NR1H4: variants seen among roughly 807,000 people sequenced by gnomAD.
The protein encoded by NR1H4 is bile acid receptor.
In NR1H4, 23 loss-of-function variants were observed where a neutral mutation model predicts 58.5. That is an observed-to-expected ratio of 0.39 (90% CI 0.28 to 0.56). NR1H4 has a LOEUF of 0.56. Ranked by LOEUF, NR1H4 falls within the 20% of genes least tolerant of loss-of-function variation. The pLI is 0.58. For synonymous variants in NR1H4, 214 were observed against 198.0 expected (o/e 1.08, Z -0.68); for missense variants, 487 against 576.9 (o/e 0.84, Z 1.60).
intron 4 of NR1H4, among the ~76,000 whole-genome samples, chr12:100,529,803 T>A (rs1287895389): frequency 6.6e-6 from 1 of 152,216 alleles, no homozygotes; most frequent in Non-Finnish European, 1.5e-5. Flanking sequence ...TTCGGGGCGC[T>A]TGACTTCTAG....
At chr12:100,545,671 C>CAAAAAAAAAA (rs1491301660) in intron 9 of NR1H4, among the ~76,000 whole-genome samples, 14 of 53,318 alleles carry the variant, frequency 2.6e-4, no homozygotes, top group African/African-American at 1.1e-3. Context: ...AAAAAAAAAC[C>CAAAAAAAAAA]AAACGGGGGG....
intron 4 of NR1H4, among the ~76,000 whole-genome samples, chr12:100,520,569 G>T (rs192600073): frequency 1.3e-5 from 2 of 152,226 alleles, no homozygotes; most frequent in Admixed American, 6.5e-5. Context: ...GCCTTCACTG[G>T]CAATCACTAA....
At chr12:100,553,060 G>A (rs1955240287) in intron 9 of NR1H4, among the ~76,000 whole-genome samples, 2 of 151,982 alleles carry the variant, frequency 1.3e-5, no homozygotes, top group Admixed American at 6.6e-5. Flanking sequence ...GTGCAGTGCA[G>A]CGATCTTAGC....
At chr12:100,504,797 C>A (rs888885821) in intron 3 of NR1H4, among the ~76,000 whole-genome samples, 13 of 152,212 alleles carry the variant, frequency 8.5e-5, no homozygotes, top group Non-Finnish European at 1.8e-4. Context: ...AGAGGGCACT[C>A]TTAGGTAGTA....
intron 3 of NR1H4, among the ~76,000 whole-genome samples, chr12:100,506,405 G>A (rs1203463930): frequency 6.6e-6 from 1 of 152,142 alleles, no homozygotes; most frequent in Non-Finnish European, 1.5e-5. Flanking sequence ...TGGCCATGCT[G>A]GTTCTTTGGT....
rs555472731 is a variant in NR1H4 at position 100,536,046 on chromosome 12, T to C, written c.733-466T>C. Among the ~76,000 whole-genome samples, 6 of 152,310 alleles carry C rather than the reference T, an allele frequency of 3.9e-5. No individual in the cohort carries two copies. The South Asian group carries it at 1.2e-3, about 32-fold the overall frequency. ...ACTTTATAAAATCCAATGGATTTGG[T>C]CCATGGGCCACAGTTTGTTGATCCC... On this transcript the variant is annotated intron_variant, in intron 6 of 10. Transcript: ENST00000392986.
At chr12:100,509,909 G>T (rs1041036535) in intron 3 of NR1H4, among the ~76,000 whole-genome samples, 1 of 144,318 alleles carries the variant, frequency 6.9e-6, no homozygotes, top group Non-Finnish European at 1.5e-5. Context: ...ACGTGGGCAC[G>T]TGCGCGCACA....
chr12:100,562,780 T>C (rs1035136952), intron 10 of NR1H4, among the ~76,000 whole-genome samples: 2 of 152,242 alleles, frequency 1.3e-5, no homozygotes, highest in African/African-American at 4.8e-5. Context: ...GCCATGCTCA[T>C]GATTTGTAGA....
intron 3 of NR1H4, chr12:100,505,483 C>T: frequency 3.1e-6 from 2 of 637,056 alleles, no homozygotes; most frequent in African/African-American, 1.8e-5. Context: ...ACCCTTCTAT[C>T]ACCTCAGAAA....
intron 1 of NR1H4, among the ~76,000 whole-genome samples, chr12:100,485,384 A>T (rs1329506242): frequency 6.6e-6 from 1 of 152,200 alleles, no homozygotes; most frequent in Non-Finnish European, 1.5e-5. Context: ...TGATCTCTGC[A>T]GTAGAGTAAC....
rs1955444017 is a variant in NR1H4 at position 100,560,476 on chromosome 12, C to A, written c.1079-1409C>A. On this transcript the variant is annotated intron_variant, in intron 9 of 10. Transcript: ENST00000392986. The stretch of plus-strand genomic sequence containing the variant: ...AGCCCACCAGGAGGAATAAACAACT[C>A]CAGACGTGCTGCCTTAAGAGCTGTA... Among the ~76,000 whole-genome samples, 8 of 152,186 alleles carry A rather than the reference C, an allele frequency of 5.3e-5. No individual in the cohort carries two copies. The South Asian group carries it at 1.7e-3, about 32-fold the overall frequency.
intron 3 of NR1H4, among the ~76,000 whole-genome samples, chr12:100,496,870 T>C (rs1953727018): frequency 6.6e-6 from 1 of 152,200 alleles, no homozygotes; most frequent in African/African-American, 2.4e-5. Flanking sequence ...CAGTGATAAC[T>C]TGCAGCTTCT....
intron 9 of NR1H4, among the ~76,000 whole-genome samples, chr12:100,545,112 G>C (rs1447270716): frequency 6.6e-6 from 1 of 151,900 alleles, no homozygotes; most frequent in Non-Finnish European, 1.5e-5. Flanking sequence ...TTTCTCTCCT[G>C]GATGCTCAGC....
intron 1 of NR1H4, among the ~76,000 whole-genome samples, chr12:100,490,100 A>T (rs1024198523): frequency 5.3e-5 from 8 of 152,226 alleles, no homozygotes; most frequent in Admixed American, 3.9e-4. Flanking sequence ...AGCAAGTCAA[A>T]TGTCATAGAA....
intron 3 of NR1H4, among the ~76,000 whole-genome samples, chr12:100,510,117 G>A (rs1954069542): frequency 6.6e-6 from 1 of 152,230 alleles, no homozygotes; most frequent in African/African-American, 2.4e-5. Context: ...TCCTATGGAT[G>A]AATATTTAGA....
chr12:100,526,267 T>G (rs1398331726), intron 4 of NR1H4, among the ~76,000 whole-genome samples: 2 of 152,054 alleles, frequency 1.3e-5, no homozygotes, highest in African/African-American at 4.8e-5. Context: ...AGATTATTGA[T>G]TTTAGATCTT....
chr12:100,548,015 C>T (rs757986541), intron 9 of NR1H4, among the ~76,000 whole-genome samples: 6 of 151,040 alleles, frequency 4.0e-5, no homozygotes, highest in East Asian at 2.0e-4. Flanking sequence ...CCACCGCACC[C>T]GGCCCTGTTC....
intron 9 of NR1H4, among the ~76,000 whole-genome samples, chr12:100,560,282 C>G (rs1955436659): frequency 6.6e-6 from 1 of 152,208 alleles, no homozygotes; most frequent in South Asian, 2.1e-4. Flanking sequence ...CTGCCCGAGC[C>G]CGCATTGGCA....
chr12:100,559,227 C>T (rs1338746034), intron 9 of NR1H4, among the ~76,000 whole-genome samples: 1 of 152,216 alleles, frequency 6.6e-6, no homozygotes, highest in Non-Finnish European at 1.5e-5. Flanking sequence ...TGGCAGTCCT[C>T]AGAGCCCTCG....
Sources: gnomAD v4.1 joint callset for allele counts (sites outside exome capture counted in the v4.1 genomes callset) on GRCh38, gnomAD v4.1.1 for gene constraint, MANE v1.5 for transcripts, NCBI Gene and HGNC (gene_info 2026-07-23, HGNC 2026-07-21) for gene names.